The following SSUH2 variants were observed in gnomAD, a reference collection of about 807,000 sequenced individuals.
SSUH2 encodes the protein protein SSUH2 homolog.
Under a neutral mutation model 55.3 loss-of-function variants are expected in SSUH2, and 47 were observed. That is an observed-to-expected ratio of 0.85 (90% confidence interval 0.67 to 1.08). SSUH2 has a LOEUF of 1.08. Among genes scored for constraint, SSUH2 ranks in the 50% least tolerant of loss-of-function variants. SSUH2 has a pLI of 0.00. For missense variants in SSUH2, 535 were observed against 490.7 expected, an observed-to-expected ratio of 1.09 and a Z score of -0.85; for synonymous variants, 212 against 191.5, an observed-to-expected ratio of 1.11 and a Z score of -0.89.
chr3:8,651,477 C>T (rs1702402354), intron 7 of SSUH2, among the ~76,000 whole-genome samples: 1 of 152,168 alleles, frequency 6.6e-6, no homozygotes, highest in Admixed American at 6.5e-5. Context: ...AGGGCTTCCT[C>T]CATGACAAAT....
chr3:8,657,349 G>T (rs1206100385), intron 7 of SSUH2, among the ~76,000 whole-genome samples: 1 of 152,194 alleles, frequency 6.6e-6, no homozygotes, highest in East Asian at 1.9e-4. Context: ...ACAAGTCATG[G>T]AAGGTTAGGA....
chr3:8,629,621 A>C, intron 7 of SSUH2, 43 bp downstream of exon 7: 1 of 1,608,102 alleles, frequency 6.2e-7, no homozygotes, highest in Non-Finnish European at 8.5e-7. Flanking sequence ...TCCCCCGGCC[A>C]CCACACCCTC....
rs781061937 is a variant in SSUH2, at chr3:8,632,049, T to C, written c.400A>G (p.Asn134Asp). 4 of 1,613,098 alleles carry C rather than the reference T, an allele frequency of 2.5e-6. No individual in the cohort carries two copies. Among genetic ancestry groups the C allele is most frequent in the Non-Finnish European group, 3.4e-6 (4 of 1,179,148 alleles). ...ISEWTFQPFT[N>D]HSVDGPQRGA... ...AACTAATTTCAGACAATTCACTTAC[T>C]AGTAAAGGGTTGAAATGTCCACTCG... Residue 134 changes from asparagine to aspartate, a missense_variant and splice_region_variant, in exon 5 of 12, where the codon AAC (asparagine) becomes GAC (aspartate). Physicochemically the swap from Asn to Asp is conservative, Grantham distance 23 (BLOSUM62 1). Coordinates refer to ENST00000544814, the MANE Select transcript of SSUH2 (RefSeq NM_001256748.3).
chr3:8,644,936 C>G (rs1018098420), upstream of SSUH2: 3 of 647,962 alleles, frequency 4.6e-6, no homozygotes, highest in Admixed American at 2.2e-5. Flanking sequence ...CCCAATCCAC[C>G]GGGTTCTGGG....
intron 3 of SSUH2, 136 bp from the exon 4 acceptor site, chr3:8,633,931 G>C: frequency 1.9e-6 from 3 of 1,614,006 alleles, no homozygotes; most frequent in South Asian, 2.2e-5. Flanking sequence ...TCCAACTGGG[G>C]AGGGCATCTC....
chr3:8,660,352 G>A lies in SSUH2; in HGVS notation c.-395-1339C>T, dbSNP rs144192637. Among the ~76,000 whole-genome samples, 11 of 152,248 alleles carry A rather than the reference G, an allele frequency of 7.2e-5. No homozygotes were observed. The East Asian group carries it at 9.7e-4, about 13-fold the overall frequency. On this transcript the variant is annotated intron_variant, in intron 6 of 18. Transcript: ENST00000317371. Reference sequence around the variant, plus strand: ...CAAGATCAACACCCTGACCTCACTCGCCTCTCATCCACTTGAGGCAGAAAC... The same window carrying A: ...CAAGATCAACACCCTGACCTCACTCACCTCTCATCCACTTGAGGCAGAAAC...
intron 2 of SSUH2, among the ~76,000 whole-genome samples, chr3:8,678,136 G>C (rs138479768): frequency 6.6e-6 from 1 of 151,998 alleles, no homozygotes; most frequent in Non-Finnish European, 1.5e-5. Context: ...CTCCAGGATC[G>C]TGGGAACAAC....
At chr3:8,680,868 T>C (rs1352131387) in intron 1 of SSUH2, among the ~76,000 whole-genome samples, 1 of 152,054 alleles carries the variant, frequency 6.6e-6, no homozygotes, top group Non-Finnish European at 1.5e-5. Flanking sequence ...CTGTCTATTA[T>C]GGGGAGTAAT....
intron 3 of SSUH2, among the ~76,000 whole-genome samples, chr3:8,674,429 CAA>C (rs1020784328): frequency 6.6e-6 from 1 of 152,188 alleles, no homozygotes; most frequent in Non-Finnish European, 1.5e-5. Flanking sequence ...AGACCGGGCT[CAA>C]GTGTCCCCAA....
intron 10 of SSUH2, among the ~76,000 whole-genome samples, chr3:8,625,279 G>A (rs1697286673): frequency 6.6e-6 from 1 of 152,030 alleles, no homozygotes. Flanking sequence ...GAAGAAGGGA[G>A]GGAGGGAAAG....
intron 1 of SSUH2, among the ~76,000 whole-genome samples, chr3:8,642,590 G>C (rs1327368291): frequency 6.6e-6 from 1 of 152,366 alleles, no homozygotes; most frequent in East Asian, 1.9e-4. Context: ...AGGCCTCCTT[G>C]AGGAGATTTG....
At chr3:8,664,902 A>C (rs1703850647) in intron 5 of SSUH2, among the ~76,000 whole-genome samples, 1 of 152,222 alleles carries the variant, frequency 6.6e-6, no homozygotes. Flanking sequence ...GATTCCTGCA[A>C]GTTATTTCTG....
At chr3:8,674,577 G>T (rs1400095477) in intron 3 of SSUH2, among the ~76,000 whole-genome samples, 1 of 152,142 alleles carries the variant, frequency 6.6e-6, no homozygotes, top group Non-Finnish European at 1.5e-5. Context: ...AGCCATGGGG[G>T]TTTCAGCAAA....
intron 9 of SSUH2, among the ~76,000 whole-genome samples, chr3:8,625,988 C>G (rs373201662): frequency 1.5e-4 from 23 of 152,298 alleles, no homozygotes; most frequent in Admixed American, 9.2e-4. Context: ...AGTTGTGGAG[C>G]GGCTGCTGCC....
chr3:8,660,417 C>T (rs959078257), intron 6 of SSUH2, among the ~76,000 whole-genome samples: 2 of 152,170 alleles, frequency 1.3e-5, no homozygotes, highest in African/African-American at 4.8e-5. Context: ...AGAAAAGTAA[C>T]AGGCAAGTCA....
intron 5 of SSUH2, among the ~76,000 whole-genome samples, chr3:8,669,398 G>C (rs1704306409): frequency 1.3e-5 from 2 of 152,190 alleles, no homozygotes; most frequent in Admixed American, 6.5e-5. Flanking sequence ...TTAACAAATA[G>C]AGACAGAATA....
In SSUH2 at chr3:8,619,755, GC is replaced by G; in HGVS notation, c.*112del. Reference sequence around the variant, plus strand: ...TAAGCTGGTTTTTCTGGAAGGACATGCCAGGGTTTGTATGTGATTGTCCAAT... The same window carrying G: ...TAAGCTGGTTTTTCTGGAAGGACATGCAGGGTTTGTATGTGATTGTCCAAT... On this transcript the variant is annotated 3_prime_UTR_variant, in exon 12 of 12. Transcript: ENST00000544814. The G allele has an allele frequency of 7.7e-7, 1 of 1,293,162 alleles. No individual in the cohort carries two copies. Among genetic ancestry groups the G allele is most frequent in the Non-Finnish European group, 1.1e-6 (1 of 937,820 alleles). 80.1% of individuals were successfully genotyped at this position (1,293,162 alleles called of 1,614,324 possible).
At chr3:8,680,540 C>A (rs1172810340) in intron 1 of SSUH2, among the ~76,000 whole-genome samples, 1 of 151,996 alleles carries the variant, frequency 6.6e-6, no homozygotes, top group Non-Finnish European at 1.5e-5. Context: ...CCTGCGATAT[C>A]GTGTGTTATA....
chr3:8,676,739 C>T (rs1333134531), intron 3 of SSUH2, among the ~76,000 whole-genome samples: 2 of 149,660 alleles, frequency 1.3e-5, no homozygotes, highest in Admixed American at 6.6e-5. Context: ...GAATTACTAT[C>T]ATTCTCTCCC....
Sources: allele counts gnomAD v4.1 joint callset (sites outside exome capture counted in the v4.1 genomes callset), GRCh38; gene constraint gnomAD v4.1.1; transcripts MANE v1.5; gene names NCBI Gene and HGNC (gene_info 2026-07-23, HGNC 2026-07-21).